Variants in IL1RAP observed in about 807,000 individuals in gnomAD.
The protein encoded by IL1RAP is interleukin 1 receptor accessory protein.
A neutral mutation model predicts 60.7 loss-of-function variants in IL1RAP; 35 were observed. The observed-to-expected ratio is 0.58, with a 90% CI of 0.44 to 0.76. The LOEUF is 0.76. Among genes scored for constraint, IL1RAP ranks in the 30% least tolerant of loss-of-function variants. The pLI is 0.00. For synonymous variants in IL1RAP, 268 were observed against 250.9 expected, an observed-to-expected ratio of 1.07 and a Z score of -0.64; for missense variants, 572 against 693.9, an observed-to-expected ratio of 0.82 and a Z score of 1.97.
chr3:190,649,344 T>C lies in IL1RAP; in HGVS notation c.*639T>C. On this transcript the variant is annotated 3_prime_UTR_variant, in exon 12 of 12. Coordinates refer to ENST00000447382, the MANE Select transcript of IL1RAP (RefSeq NM_002182.4). ...CATCTCAGGTAATTTATGAAATCTA[T>C]GTAAACTTGAAAAATATTTCTTAAT... 1 of 985,336 alleles carries C rather than the reference T, an allele frequency of 1.0e-6. No individual in the cohort carries two copies. 61.0% of individuals were successfully genotyped at this position (985,336 alleles called of 1,614,324 possible).
At chr3:190,599,690 T>G (rs1167670661) in intron 3 of IL1RAP, among the ~76,000 whole-genome samples, 1 of 150,252 alleles carries the variant, frequency 6.7e-6, no homozygotes, top group African/African-American at 2.5e-5. Flanking sequence ...AGAACTTTCT[T>G]GGTATTTTGG....
chr3:190,656,314 G>A, downstream of IL1RAP: 1 of 1,537,230 alleles, frequency 6.5e-7, no homozygotes, highest in Non-Finnish European at 8.7e-7. Flanking sequence ...GAGGGCTGCA[G>A]GTAGCCCTCC....
intron 1 of IL1RAP, chr3:190,518,161 C>G (rs1308295009): frequency 6.7e-6 from 1 of 150,104 alleles, no homozygotes; most frequent in Non-Finnish European, 1.5e-5. Flanking sequence ...TGACTTTATT[C>G]TAACTCTCTG....
chr3:190,581,558 G>A (rs1379681962), intron 3 of IL1RAP, among the ~76,000 whole-genome samples: 1 of 152,186 alleles, frequency 6.6e-6, no homozygotes, highest in Non-Finnish European at 1.5e-5. Context: ...AAATCCAGAT[G>A]TTGAGTTTTG....
intron 2 of IL1RAP, among the ~76,000 whole-genome samples, chr3:190,557,979 C>G (rs951928507): frequency 6.6e-6 from 1 of 152,122 alleles, no homozygotes; most frequent in Non-Finnish European, 1.5e-5. Flanking sequence ...GATCTGTTCT[C>G]GGTCACTCCA....
intron 3 of IL1RAP, among the ~76,000 whole-genome samples, chr3:190,590,756 C>T (rs1728876223): frequency 1.3e-5 from 2 of 152,270 alleles, no homozygotes; most frequent in South Asian, 4.1e-4. Context: ...TTCCAGTCTT[C>T]CTGGGTTTGA....
At chr3:190,601,967 A>C (rs1045616708) in intron 3 of IL1RAP, among the ~76,000 whole-genome samples, 1 of 151,994 alleles carries the variant, frequency 6.6e-6, no homozygotes, top group Non-Finnish European at 1.5e-5. Flanking sequence ...ACACCACACA[A>C]TCACTTTTGC....
At chr3:190,603,845 C>T (rs1310491471) in intron 3 of IL1RAP, among the ~76,000 whole-genome samples, 4 of 152,144 alleles carry the variant, frequency 2.6e-5, no homozygotes, top group Non-Finnish European at 5.9e-5. Flanking sequence ...TGATGTCTTT[C>T]TTAGGTGAAA....
intron 1 of IL1RAP, among the ~76,000 whole-genome samples, chr3:190,514,807 T>G (rs1721365195): frequency 6.6e-6 from 1 of 152,124 alleles, no homozygotes; most frequent in Non-Finnish European, 1.5e-5. Context: ...GCCAGTGACC[T>G]CCTATGGTAC....
chr3:190,622,695 G>A (rs1021012204), intron 6 of IL1RAP, among the ~76,000 whole-genome samples: 2 of 152,160 alleles, frequency 1.3e-5, no homozygotes, highest in African/African-American at 4.8e-5. Context: ...GATACATAGG[G>A]GGAGTTCTGG....
At chr3:190,623,834 A>G (rs1278226423) in intron 7 of IL1RAP, among the ~76,000 whole-genome samples, 1 of 152,164 alleles carries the variant, frequency 6.6e-6, no homozygotes, top group African/African-American at 2.4e-5. Flanking sequence ...AACTGATAAA[A>G]CTAGTAGACA....
At chr3:190,640,949 G>A (rs951726512) in intron 9 of IL1RAP, among the ~76,000 whole-genome samples, 1 of 151,962 alleles carries the variant, frequency 6.6e-6, no homozygotes, top group Non-Finnish European at 1.5e-5. Flanking sequence ...TTTCTGATAG[G>A]AAATTCTTTT....
intron 5 of IL1RAP, among the ~76,000 whole-genome samples, chr3:190,613,961 T>C (rs1731047511): frequency 6.6e-6 from 1 of 152,064 alleles, no homozygotes; most frequent in African/African-American, 2.4e-5. Flanking sequence ...ATCCTAAGAC[T>C]TCTGCCATCT....
At chr3:190,630,195 G>C (rs11925902) in intron 9 of IL1RAP, 1 of 745,570 alleles carries the variant, frequency 1.3e-6, no homozygotes, top group Admixed American at 6.3e-5. Flanking sequence ...ATTTTAAATG[G>C]TATAAACATG....
intron 7 of IL1RAP, among the ~76,000 whole-genome samples, chr3:190,625,719 A>T (rs757418530): frequency 3.3e-5 from 5 of 152,216 alleles, no homozygotes; most frequent in Non-Finnish European, 5.9e-5. Context: ...TAAGTTTGAA[A>T]ATATGACTTG....
intron 1 of IL1RAP, among the ~76,000 whole-genome samples, chr3:190,515,792 G>A (rs527409484): frequency 2.6e-5 from 4 of 151,476 alleles, no homozygotes; most frequent in African/African-American, 9.7e-5. Flanking sequence ...TAGGTCAGTC[G>A]AGCAACCTTA....
chr3:190,627,480 A>G (rs763969233), intron 8 of IL1RAP, 31 bp downstream of exon 8: 19 of 1,594,188 alleles, frequency 1.2e-5, no homozygotes, highest in Non-Finnish European at 1.1e-5. Flanking sequence ...GGAGTGATTA[A>G]CCTTTGTTTC....
intron 2 of IL1RAP, 45 bp downstream of exon 2, chr3:190,556,261 C>T (rs1232580544): frequency 2.0e-5 from 3 of 152,106 alleles, no homozygotes; most frequent in South Asian, 4.1e-4. Flanking sequence ...TAAAACATTT[C>T]CTTATCGACT....
chr3:190,535,536 A>G (rs1364831291), intron 1 of IL1RAP, among the ~76,000 whole-genome samples: 6 of 152,192 alleles, frequency 3.9e-5, no homozygotes, highest in Non-Finnish European at 8.8e-5. Flanking sequence ...AACAACAGCA[A>G]TTAACTACGA....
Sources: allele counts gnomAD v4.1 joint callset (sites outside exome capture counted in the v4.1 genomes callset), GRCh38; gene constraint gnomAD v4.1.1; transcripts MANE v1.5; gene names NCBI Gene and HGNC (gene_info 2026-07-23, HGNC 2026-07-21).